The following RNF38 variants were observed in gnomAD, a reference collection of about 807,000 sequenced individuals.
The protein encoded by RNF38 is ring finger protein 38.
Under a neutral mutation model 67.2 loss-of-function variants are expected in RNF38, and 15 were observed. The ratio of observed to expected loss-of-function variants is 0.22; its 90% CI spans 0.15 to 0.34. RNF38 has a LOEUF of 0.34. Ranked by LOEUF, RNF38 falls within the 10% of genes least tolerant of loss-of-function variation. The pLI is 1.00. For missense variants in RNF38, 524 were observed against 639.9 expected (o/e 0.82, Z 1.95); for synonymous variants, 220 against 218.8 (o/e 1.01, Z -0.05).
rs1832612960 is a variant in RNF38, at chr9:36,338,593, G to A, written c.*1159C>T. 6.6e-6 allele frequency: 1 copy of A among 152,232 alleles called. No homozygotes were observed. Among genetic ancestry groups the A allele is most frequent in the South Asian group, 2.1e-4 (1 of 4,838 alleles). The allele number at this position is 152,232 out of a possible 1,614,324, so 9.4% of individuals were successfully genotyped here. The stretch of plus-strand genomic sequence containing the variant: ...AATAGAGTTTTCTTAAAACAATTGA[G>A]TTGCCCACAGGAGCTTGAACACAGA... On this transcript the variant is annotated 3_prime_UTR_variant, in exon 12 of 12. Coordinates refer to ENST00000259605, the MANE Select transcript of RNF38 (RefSeq NM_022781.5).
At chr9:36,373,591 T>C (rs1431413278) in intron 3 of RNF38, among the ~76,000 whole-genome samples, 73 of 30,174 alleles carry the variant, frequency 2.4e-3, no homozygotes, top group African/African-American at 0.01. Flanking sequence ...TGTTAGCCCT[T>C]TTTTTTTTTT....
intron 9 of RNF38, 150 bp downstream of exon 9, chr9:36,350,965 G>A (rs969815089): frequency 3.2e-6 from 2 of 631,068 alleles, no homozygotes; most frequent in Admixed American, 6.4e-5. Flanking sequence ...TAGTATTAGT[G>A]TATCTTATGT....
At chr9:36,397,855 A>G (rs1837655111) in intron 1 of RNF38, among the ~76,000 whole-genome samples, 1 of 152,216 alleles carries the variant, frequency 6.6e-6, no homozygotes, top group South Asian at 2.1e-4. Context: ...AGTATGTCTA[A>G]AATCGTTTTA....
At chr9:36,378,814 T>C (rs775117160) in intron 2 of RNF38, among the ~76,000 whole-genome samples, 1 of 152,090 alleles carries the variant, frequency 6.6e-6, no homozygotes, top group Non-Finnish European at 1.5e-5. Context: ...TACCATCACT[T>C]CTCTTTGTGC....
At chr9:36,448,150 GTCT>G (rs1839352217) in intron 1 of RNF38, among the ~76,000 whole-genome samples, 1 of 152,194 alleles carries the variant, frequency 6.6e-6, no homozygotes, top group Non-Finnish European at 1.5e-5. Flanking sequence ...GACAGAACTG[GTCT>G]TCTTAAGGCC....
At chr9:36,365,211 C>T (rs1834851362) in intron 4 of RNF38, among the ~76,000 whole-genome samples, 1 of 106,916 alleles carries the variant, frequency 9.4e-6, no homozygotes, top group Non-Finnish European at 1.9e-5. Flanking sequence ...TTATGTGCCG[C>T]TTTTAAGAAC....
intron 1 of RNF38, among the ~76,000 whole-genome samples, chr9:36,441,611 C>T (rs1271615840): frequency 1.3e-5 from 2 of 152,052 alleles, no homozygotes; most frequent in Non-Finnish European, 2.9e-5. Flanking sequence ...CGTGAGCCAC[C>T]GCGCCTGGCC....
rs1833309386 is a variant in RNF38, at chr9:36,347,144, G to C, written c.1264-2191C>G. Reference sequence around the variant, plus strand: ...TCGGGGGGGGGGGGGGGGGGGGGGGGGGGGGAAGTAAATTGCCAAATTGAT... The same window carrying C: ...TCGGGGGGGGGGGGGGGGGGGGGGGCGGGGGAAGTAAATTGCCAAATTGAT... On this transcript the variant is annotated intron_variant, in intron 9 of 11. Coordinates refer to ENST00000259605, the MANE Select transcript of RNF38 (RefSeq NM_022781.5). 5.3e-5 allele frequency among the ~76,000 whole-genome samples: 3 copies of C among 56,418 alleles called. 1 individual carries two copies. The highest frequency in any genetic ancestry group is 1.5e-3 in the South Asian group (2 of 1,358). The allele number at this position is 56,418 out of a possible 152,430, so 37.0% of individuals were successfully genotyped here. A position where few individuals can be genotyped will look rare whatever the true frequency, so the allele number is the denominator to read the frequency against.
chr9:36,357,848 C>G lies in RNF38; in HGVS notation c.665G>C (p.Ser222Thr). Residue 222 changes from serine (S) to threonine (T), a missense_variant, in exon 5 of 12, where the codon AGT (serine) becomes ACT (threonine). Physicochemically the swap from Ser to Thr is moderately conservative, Grantham distance 58. This residue lies in a region of RNF38 where 461 missense variants were observed against 517.4 expected (regional missense o/e 0.89). Coordinates refer to ENST00000259605, the MANE Select transcript of RNF38 (RefSeq NM_022781.5). Reference protein sequence around the residue: ...LCTGQHIPACSTQQVPGCSVV... With the variant: ...LCTGQHIPACTTQQVPGCSVV... ...AGAGCATCCTGGGACCTGCTGTGTA[C>G]TACAAGCAGGGATGTGCTGGCCTGT... The G allele has an allele frequency of 6.2e-7, 1 of 1,613,210 alleles. No individual in the cohort carries two copies. The highest frequency in any genetic ancestry group is 8.5e-7 in the Non-Finnish European group (1 of 1,179,192).
At chr9:36,438,094 A>G (rs994499727) in intron 1 of RNF38, among the ~76,000 whole-genome samples, 1 of 152,090 alleles carries the variant, frequency 6.6e-6, no homozygotes, top group African/African-American at 2.4e-5. Flanking sequence ...AGTGTGTGCT[A>G]CCAGGCTCAG....
At chr9:36,429,030 T>C (rs1311011798) in intron 1 of RNF38, among the ~76,000 whole-genome samples, 3 of 152,216 alleles carry the variant, frequency 2.0e-5, no homozygotes, top group African/African-American at 7.2e-5. Context: ...CCCTAGACAC[T>C]GGGAACATAG....
intron 1 of RNF38, among the ~76,000 whole-genome samples, chr9:36,474,715 C>A (rs1034348406): frequency 1.4e-5 from 2 of 147,842 alleles, no homozygotes; most frequent in Admixed American, 6.7e-5. Flanking sequence ...TAGAATAGAA[C>A]CTTAAATAAT....
chr9:36,346,996 T>G lies in RNF38; in HGVS notation c.1264-2043A>C, dbSNP rs559389924. ...TTAGACAGGCATGGTGGCGTGCACC[T>G]GTAATCTCAGCTACTTGGAAGACTA... is the stretch of plus-strand genomic sequence containing the variant. On this transcript the variant is annotated intron_variant, in intron 9 of 11. Coordinates refer to ENST00000259605, the MANE Select transcript of RNF38 (RefSeq NM_022781.5). 2.1e-3 allele frequency among the ~76,000 whole-genome samples: 314 copies of G among 151,878 alleles called. 2 individuals carry two copies. Among genetic ancestry groups the G allele is most frequent in the African/African-American group, 7.1e-3 (294 of 41,376 alleles).
At chr9:36,471,694 A>G (rs1436578798) in intron 1 of RNF38, among the ~76,000 whole-genome samples, 1 of 152,236 alleles carries the variant, frequency 6.6e-6, no homozygotes, top group Non-Finnish European at 1.5e-5. Flanking sequence ...TACTAACTAA[A>G]CATTCCAGAG....
intron 9 of RNF38, 61 bp from the exon 10 acceptor site, chr9:36,345,014 T>C (rs1833117115): frequency 6.4e-7 from 1 of 1,563,754 alleles, no homozygotes; most frequent in South Asian, 1.2e-5. Context: ...CCAATACTTT[T>C]TTTTTTTAAG....
chr9:36,485,553 T>C (rs1002370542), intron 1 of RNF38, among the ~76,000 whole-genome samples: 1 of 152,230 alleles, frequency 6.6e-6, no homozygotes, highest in Non-Finnish European at 1.5e-5. Flanking sequence ...ATTTCCCTGA[T>C]TGTAAGTCTC....
intron 1 of RNF38, among the ~76,000 whole-genome samples, chr9:36,461,766 T>C (rs1839738261): frequency 6.6e-6 from 1 of 152,194 alleles, no homozygotes; most frequent in East Asian, 1.9e-4. Context: ...AAATGACTCC[T>C]AGATTCCTGG....
intron 9 of RNF38, among the ~76,000 whole-genome samples, chr9:36,347,846 G>C (rs1393384778): frequency 6.6e-6 from 1 of 152,126 alleles, no homozygotes; most frequent in Non-Finnish European, 1.5e-5. Context: ...GGGAGGCTGA[G>C]CGGGTGGATC....
chr9:36,357,009 A>G (rs533164407), intron 5 of RNF38, among the ~76,000 whole-genome samples: 2 of 152,358 alleles, frequency 1.3e-5, no homozygotes, highest in South Asian at 2.1e-4. Context: ...TAGTATTGGT[A>G]TAAGTGTGCA....
Sources: gnomAD v4.1 joint callset for allele counts (sites outside exome capture counted in the v4.1 genomes callset) on GRCh38, gnomAD v4.1.1 for gene constraint, gnomAD v4.1.1 regional missense constraint, MANE v1.5 for transcripts, NCBI Gene and HGNC (gene_info 2026-07-23, HGNC 2026-07-21) for gene names.